TMEM200C: variants seen among roughly 807,000 people sequenced by gnomAD.
TMEM200C encodes the protein transmembrane protein 200C, also known as transmembrane protein TTMA.
For synonymous variants in TMEM200C, 462 were observed against 324.7 expected (o/e 1.42, Z -4.55); for missense variants, 966 against 699.9 (o/e 1.38, Z -4.29).
At chr18:5,893,488 C>A (rs940636432) in intron 2 of TMEM200C, among the ~76,000 whole-genome samples, 2 of 152,208 alleles carry the variant, frequency 1.3e-5, no homozygotes, top group Non-Finnish European at 2.9e-5. Context: ...CAGAGTAGAA[C>A]ATTTTCTGTC....
intron 2 of TMEM200C, among the ~76,000 whole-genome samples, chr18:5,894,087 C>G (rs890767341): frequency 5.9e-5 from 9 of 152,186 alleles, no homozygotes; most frequent in African/African-American, 2.2e-4. Context: ...TTTTTAGAAG[C>G]GAACTCAGAC....
chr18:5,890,387 T>C (rs1339867320), exon 3 of TMEM200C: 1 of 1,584,472 alleles, frequency 6.3e-7, no homozygotes, highest in Admixed American at 1.7e-5. Context: ...CAGCAGAGTC[T>C]CGCGTTTGAC....
Position 5,891,159 on chromosome 18 carries a change from G to A in TMEM200C, c.905C>T (p.Pro302Leu). Residue 302 changes from proline (P) to leucine (L), a missense_variant, in exon 3 of 3, where the codon CCG becomes CTG. Coordinates refer to ENST00000581347, the Ensembl canonical transcript of TMEM200C. The surrounding 1 kb of genome is among the most constrained non-coding windows in gnomAD (Gnocchi z 4.7). ...GCGCGGGGAAGAGGCCAGGTCCGGC[G>A]GGGACGCGGCGCCCCGAGGGCGGCC... The A allele has an allele frequency of 3.7e-6, 2 of 546,804 alleles. No homozygotes were observed. The highest frequency in any genetic ancestry group is 5.5e-6 in the Non-Finnish European group (2 of 360,760). 33.9% of individuals were successfully genotyped at this position (546,804 alleles called of 1,614,324 possible). A position where few individuals can be genotyped will look rare whatever the true frequency, so the allele number is the denominator to read the frequency against.
At chr18:5,889,314 T>C (rs1018657442) in exon 3 of TMEM200C, 16 of 152,168 alleles carry the variant, frequency 1.1e-4, no homozygotes, top group African/African-American at 3.9e-4. Context: ...GCTGAGTACT[T>C]TGGGGGAAGA....
chr18:5,888,103 C>A (rs2095166772), exon 3 of TMEM200C: 1 of 152,176 alleles, frequency 6.6e-6, no homozygotes, highest in African/African-American at 2.4e-5. Context: ...AACCTGTTTT[C>A]CCCTTGAAGT....
In TMEM200C at chr18:5,891,509, C is replaced by A. The variant is rs745542524; in HGVS notation, c.555G>T (p.Ala185=). 4 of 1,610,378 alleles carry A rather than the reference C, an allele frequency of 2.5e-6. No individual in the cohort carries two copies. The change falls in exon 3 of 3, where the codon GCG becomes GCT. Residue 185 remains alanine (A), a synonymous_variant. Transcript: ENST00000581347. The surrounding 1 kb of genome is among the most constrained non-coding windows in gnomAD (Gnocchi z 4.7). ...TCTTGTCCCGGTTCTCGTGGAGGAC[C>A]GCGTTTGCGCAGATGAAGAGGAAGA...
chr18:5,895,893 C>T (rs1008756507), exon 1 of TMEM200C: 1 of 152,070 alleles, frequency 6.6e-6, no homozygotes, highest in Non-Finnish European at 1.5e-5. Flanking sequence ...CAAAGAGAGG[C>T]CCGGAGGGTC....
exon 3 of TMEM200C, chr18:5,884,017 T>TA (rs1336624818): frequency 6.6e-6 from 1 of 152,164 alleles, no homozygotes; most frequent in African/African-American, 2.4e-5. Context: ...GCCCTGCTAG[T>TA]GAAGGTCAGT....
In TMEM200C at chr18:5,891,938, C is replaced by A. The variant is rs75283368; in HGVS notation, c.126G>T (p.Val42=). The change falls in exon 3 of 3, where the codon GTG becomes GTT. Residue 42 remains valine, a synonymous_variant. Transcript: ENST00000581347. This position sits in a 1 kb window ranked among gnomAD's most constrained non-coding sequence, Gnocchi z 4.7. ...TGGAGCACAGCTTCAGCTTGCCTTT[C>A]ACCACCACCACGTCGTTCTTGCGCC... 6.7e-4 allele frequency: 1,074 copies of A among 1,613,908 alleles called. 6 individuals are homozygous for A. The African/African-American group carries it at 0.011, about 16-fold the overall frequency.
At chr18:5,890,548 G>A in exon 3 of TMEM200C, 1 of 1,455,512 alleles carries the variant, frequency 6.9e-7, no homozygotes. Flanking sequence ...GGTGGCGAGG[G>A]GGAGGCGGCC....
exon 3 of TMEM200C, chr18:5,882,789 C>A (rs1056085348): frequency 6.6e-6 from 1 of 152,000 alleles, no homozygotes; most frequent in African/African-American, 2.4e-5. Context: ...AAGAGATGTT[C>A]TCAGGCATGA....
At chr18:5,885,277 A>C (rs1326691321) in exon 3 of TMEM200C, 1 of 152,034 alleles carries the variant, frequency 6.6e-6, no homozygotes, top group Non-Finnish European at 1.5e-5. Context: ...ACTTGGTCAC[A>C]ATGTAGGATC....
At chr18:5,895,515 G>C (rs1408554515) in intron 1 of TMEM200C, 2 of 148,766 alleles carry the variant, frequency 1.3e-5, no homozygotes, top group Admixed American at 6.7e-5. Flanking sequence ...GGGAAATTGC[G>C]GCAGGGTGGC....
At chr18:5,890,139 T>A in exon 3 of TMEM200C, 1 of 1,464,542 alleles carries the variant, frequency 6.8e-7, no homozygotes, top group East Asian at 2.4e-5. Flanking sequence ...GTTAATGCAC[T>A]GATTCAAGTG....
chr18:5,887,723 G>GT (rs1490409929), exon 3 of TMEM200C: 1 of 152,228 alleles, frequency 6.6e-6, no homozygotes, highest in Non-Finnish European at 1.5e-5. Context: ...TGAACCCACA[G>GT]TAAGTACTGA....
At chr18:5,895,660 G>A (rs988601942) in intron 1 of TMEM200C, among the ~76,000 whole-genome samples, 138 bp from the exon 1 acceptor site, 2 of 146,046 alleles carry the variant, frequency 1.4e-5, no homozygotes, top group African/African-American at 2.5e-5. Flanking sequence ...CCCGCCGCCC[G>A]TCCCTTCGGA....
At position 5,892,149 on chromosome 18, in the gene TMEM200C, C is replaced by A; in HGVS notation, c.-86G>T. The A allele has an allele frequency of 7.8e-7, 1 of 1,274,982 alleles. No homozygotes were observed. The highest frequency in any genetic ancestry group is 1.1e-6 in the Non-Finnish European group (1 of 926,350). The allele number at this position is 1,274,982 out of a possible 1,614,324, so 79.0% of individuals were successfully genotyped here. On this transcript the variant is annotated 5_prime_UTR_variant, in exon 3 of 3. In the 5' UTR this introduces an upstream ATG that the reference lacks. Coordinates refer to ENST00000581347, the Ensembl canonical transcript of TMEM200C. ...AACTGCCCACTAGCTGCTCAGCCAC[C>A]TCCTCCTGCTGCAAAGCAGAGGAAG...
chr18:5,883,173 C>T (rs1164804551), exon 3 of TMEM200C: 1 of 152,074 alleles, frequency 6.6e-6, no homozygotes, highest in Admixed American at 6.6e-5. Flanking sequence ...TTCTCACTTT[C>T]ATGGATTAGA....
chr18:5,892,259 C>T, intron 2 of TMEM200C, 102 bp from the exon 2 acceptor site: 1 of 617,660 alleles, frequency 1.6e-6, no homozygotes, highest in Non-Finnish European at 2.8e-6. Flanking sequence ...GTGTGCCCCC[C>T]ACCCCAGGGC....
Sources: gnomAD v4.1 joint callset for allele counts (sites outside exome capture counted in the v4.1 genomes callset) on GRCh38, gnomAD v4.1.1 for gene constraint, Gnocchi (gnomAD v3.1) non-coding constraint, MANE v1.5 for transcripts, NCBI Gene and HGNC (gene_info 2026-07-23, HGNC 2026-07-21) for gene names.